Variants in TBC1D16 observed in about 807,000 individuals in gnomAD.
The protein encoded by TBC1D16 is CTD-2529O21.1.
A neutral mutation model predicts 74.7 loss-of-function variants in TBC1D16; 58 were observed. The ratio of observed to expected loss-of-function variants is 0.78; its 90% confidence interval spans 0.63 to 0.97. TBC1D16 has a LOEUF of 0.97. Among genes scored for constraint, TBC1D16 ranks in the 50% least tolerant of loss-of-function variants. TBC1D16 has a pLI of 0.00. For synonymous variants in TBC1D16, 493 were observed against 474.7 expected, an observed-to-expected ratio of 1.04 and a Z score of -0.50; for missense variants, 1,014 against 1,079.5, an observed-to-expected ratio of 0.94 and a Z score of 0.85.
At chr17:79,963,110 G>A (rs1367924496) in intron 3 of TBC1D16, among the ~76,000 whole-genome samples, 2 of 151,780 alleles carry the variant, frequency 1.3e-5, no homozygotes, top group Admixed American at 6.6e-5. Flanking sequence ...AGCTACTTGG[G>A]GGAGACTGAG....
intron 3 of TBC1D16, among the ~76,000 whole-genome samples, chr17:79,962,636 T>C (rs2033667127): frequency 6.6e-6 from 1 of 152,056 alleles, no homozygotes; most frequent in Non-Finnish European, 1.5e-5. Flanking sequence ...CTATACCTAT[T>C]AAACAATAGC....
intron 1 of TBC1D16, among the ~76,000 whole-genome samples, chr17:80,029,614 C>T (rs923195522): frequency 6.6e-6 from 1 of 152,158 alleles, no homozygotes; most frequent in Non-Finnish European, 1.5e-5. Flanking sequence ...AAAGAGAGTC[C>T]TCCTCAATGT....
rs1458633252 is a variant in TBC1D16, at chr17:80,010,314, C to T, written c.625G>A (p.Glu209Lys). Residue 209 changes from glutamate (E) to lysine (K), a missense_variant, in exon 3 of 12, where the codon GAG (glutamate) becomes AAG (lysine). Glu to Lys is a moderately conservative substitution (Grantham distance 56, BLOSUM62 1). Transcript: ENST00000310924. The surrounding 1 kb of genome is among the most constrained non-coding windows in gnomAD (Gnocchi z 8.8). ...GCTGACAGTTCCAAAGAGCCATCCT[C>T]CTCCCCGGCCTCGGGCCGCGGCTCC... ...GREPRPEAGEEDGSLELSAEG... is the reference protein window; with the variant it reads ...GREPRPEAGEKDGSLELSAEG... 2 of 1,611,370 alleles carry T rather than the reference C, an allele frequency of 1.2e-6. No individual in the cohort carries two copies. Among genetic ancestry groups the T allele is most frequent in the Non-Finnish European group, 1.7e-6 (2 of 1,178,944 alleles).
At position 79,981,894 on chromosome 17, in the gene TBC1D16, G is replaced by A. The variant is rs1045244381; in HGVS notation, c.779+28266C>T. 8.5e-5 allele frequency among the ~76,000 whole-genome samples: 13 copies of A among 152,200 alleles called. No individual in the cohort carries two copies. The highest frequency in any genetic ancestry group is 6.5e-4 in the Admixed American group (10 of 15,282). On this transcript the variant is annotated intron_variant, in intron 3 of 11. Coordinates refer to ENST00000310924, the MANE Select transcript of TBC1D16 (RefSeq NM_019020.4). The surrounding 1 kb of genome is among the most constrained non-coding windows in gnomAD (Gnocchi z 6.9). ...AGGGAACAGCAGGACGCGGCCCTCC[G>A]GGGCTTCCCTGTGCGCACACACACA...
chr17:80,013,282 G>A (rs1035515321), intron 2 of TBC1D16, 85 bp downstream of exon 2: 5 of 1,315,972 alleles, frequency 3.8e-6, no homozygotes, highest in East Asian at 2.6e-5. Flanking sequence ...GCACTCTCAC[G>A]TGCTGTGGCC....
intron 3 of TBC1D16, among the ~76,000 whole-genome samples, chr17:79,962,761 C>T (rs952535920): frequency 6.6e-6 from 1 of 151,262 alleles, no homozygotes; most frequent in East Asian, 2.0e-4. Context: ...TGATGAAATC[C>T]CATCTCTACT....
chr17:79,944,781 T>A lies in TBC1D16; in HGVS notation c.1908+127A>T, dbSNP rs1391017619. On this transcript the variant is annotated intron_variant, in intron 10 of 11. Transcript: ENST00000310924. The surrounding 1 kb of genome is among the most constrained non-coding windows in gnomAD (Gnocchi z 7.7). ...ACGTGGGACGGGAAGGCAGTCGCCG[T>A]ATGGGGGGCTAATGTGTGGCTGTGG... 3 of 851,336 alleles carry A rather than the reference T, an allele frequency of 3.5e-6. No individual in the cohort carries two copies. Among genetic ancestry groups the A allele is most frequent in the Non-Finnish European group, 5.3e-6 (3 of 569,504 alleles). 52.7% of individuals were successfully genotyped at this position (851,336 alleles called of 1,614,324 possible).
intron 1 of TBC1D16, among the ~76,000 whole-genome samples, chr17:80,024,292 C>T (rs1452031399): frequency 1.7e-4 from 2 of 11,712 alleles, no homozygotes; most frequent in East Asian, 1.1e-3. Flanking sequence ...GAAGCACACA[C>T]ACCATAGACC....
At chr17:80,006,430 G>A (rs907626681) in intron 3 of TBC1D16, among the ~76,000 whole-genome samples, 4 of 152,112 alleles carry the variant, frequency 2.6e-5, no homozygotes, top group Middle Eastern at 3.4e-3. Flanking sequence ...GGCTGGGGAC[G>A]CCTGCTCTAC....
intron 3 of TBC1D16, chr17:79,992,255 CG>C (rs1302387530): frequency 6.6e-6 from 1 of 152,354 alleles, no homozygotes; most frequent in Non-Finnish European, 1.5e-5. Flanking sequence ...TCTTGGCCTG[CG>C]TAGACCCGTC....
intron 3 of TBC1D16, among the ~76,000 whole-genome samples, chr17:79,978,956 C>G (rs1484853612): frequency 6.6e-6 from 1 of 152,232 alleles, no homozygotes; most frequent in African/African-American, 2.4e-5. Context: ...TCCCTCTCGA[C>G]TTCGTCCTTG....
At position 79,940,141 on chromosome 17, in the gene TBC1D16, C is replaced by G. The variant is rs766074788; in HGVS notation, c.*718G>C. 6.6e-6 allele frequency: 1 copy of G among 152,218 alleles called. No individual in the cohort carries two copies. The highest frequency in any genetic ancestry group is 1.5e-5 in the Non-Finnish European group (1 of 68,036). The allele number at this position is 152,218 out of a possible 1,614,324, so 9.4% of individuals were successfully genotyped here. On this transcript the variant is annotated 3_prime_UTR_variant, in exon 12 of 12. Transcript: ENST00000310924. The surrounding 1 kb of genome is among the most constrained non-coding windows in gnomAD (Gnocchi z 5.4). ...GATGCTTCTCCAACAGCCTGAGGCT[C>G]AGGCTCCTGGGCAGACAGTTCCCTT...
intron 1 of TBC1D16, among the ~76,000 whole-genome samples, chr17:80,025,599 C>T (rs796646243): frequency 9.4e-6 from 1 of 106,942 alleles, no homozygotes; most frequent in Non-Finnish European, 2.3e-5. Flanking sequence ...GGGAGCACCT[C>T]CTTGCTGGAA....
chr17:80,017,313 C>T (rs2036123197), intron 1 of TBC1D16, among the ~76,000 whole-genome samples: 1 of 152,110 alleles, frequency 6.6e-6, no homozygotes, highest in Non-Finnish European at 1.5e-5. Context: ...TACTGACAGA[C>T]ACTCAAGCTT....
chr17:79,945,138 C>T, intron 9 of TBC1D16, 51 bp from the exon 10 acceptor site: 1 of 1,500,040 alleles, frequency 6.7e-7, no homozygotes, highest in East Asian at 2.5e-5. Flanking sequence ...ATGCGGCCTG[C>T]TGCCCAGGAA....
In TBC1D16 at chr17:79,988,445, T is replaced by C. The variant is rs1161423886; in HGVS notation, c.779+21715A>G. Among the ~76,000 whole-genome samples, 1 of 152,244 alleles carries C rather than the reference T, an allele frequency of 6.6e-6. No individual in the cohort carries two copies. Among genetic ancestry groups the C allele is most frequent in the Non-Finnish European group, 1.5e-5 (1 of 68,048 alleles). The stretch of plus-strand genomic sequence containing the variant: ...TCAGGTCCAAGCTCCACTGGGCGTA[T>C]GCCCAAGGGGCAGAGGGGGCAGCAA... On this transcript the variant is annotated intron_variant, in intron 3 of 11. Coordinates refer to ENST00000310924, the MANE Select transcript of TBC1D16 (RefSeq NM_019020.4). The surrounding 1 kb of genome is among the most constrained non-coding windows in gnomAD (Gnocchi z 5.7).
In TBC1D16 at chr17:79,956,592, G is replaced by A. The variant is rs2033349193; in HGVS notation, c.780-3774C>T. The stretch of plus-strand genomic sequence containing the variant: ...AAGTTGCTGAGTTTGAGGGCGGTTT[G>A]TTTCACAGCAACGGATCACTGACAC... On this transcript the variant is annotated intron_variant, in intron 3 of 11. Transcript: ENST00000310924. The surrounding 1 kb of genome is among the most constrained non-coding windows in gnomAD (Gnocchi z 4.0). Among the ~76,000 whole-genome samples the A allele has an allele frequency of 6.6e-6, 1 of 152,124 alleles. No homozygotes were observed. Among genetic ancestry groups the A allele is most frequent in the African/African-American group, 2.4e-5 (1 of 41,406 alleles).
intron 1 of TBC1D16, among the ~76,000 whole-genome samples, chr17:80,016,271 T>C (rs2036087390): frequency 6.7e-6 from 1 of 149,968 alleles, no homozygotes; most frequent in African/African-American, 2.5e-5. Flanking sequence ...GTGGGGGGAA[T>C]AGGGAGGTCA....
rs574348218 is a variant in TBC1D16 at position 79,946,355 on chromosome 17, A to G, written c.1729-1268T>C. Among the ~76,000 whole-genome samples, 5 of 152,356 alleles carry G rather than the reference A, an allele frequency of 3.3e-5. No homozygotes were observed. In the South Asian group the frequency reaches 1.0e-3, roughly 32 times the overall value. On this transcript the variant is annotated intron_variant, in intron 9 of 11. Transcript: ENST00000310924. ...GCGTTCGAGCTTCTGTGAGAATCTA[A>G]TGCAGCCGCTGATCTGACGGCAGGT... is the stretch of plus-strand genomic sequence containing the variant.
Sources: allele counts gnomAD v4.1 joint callset (sites outside exome capture counted in the v4.1 genomes callset), GRCh38; gene constraint gnomAD v4.1.1; non-coding constraint Gnocchi (gnomAD v3.1); transcripts MANE v1.5; gene names NCBI Gene and HGNC (gene_info 2026-07-23, HGNC 2026-07-21).